Variants in NCBP3 observed in about 807,000 individuals in gnomAD.
NCBP3 encodes nuclear cap-binding protein subunit 3.
NCBP3 carries 20 observed loss-of-function variants against 75.7 expected under a neutral mutation model. The ratio of observed to expected loss-of-function variants is 0.26; its 90% CI spans 0.19 to 0.38. The LOEUF is 0.38. Among genes scored for constraint, NCBP3 ranks in the 10% least tolerant of loss-of-function variants. The pLI is 1.00. For synonymous variants in NCBP3, 293 were observed against 290.5 expected, an observed-to-expected ratio of 1.01 and a Z score of -0.09; for missense variants, 678 against 796.9, an observed-to-expected ratio of 0.85 and a Z score of 1.80.
rs1463760516 is a variant in NCBP3, at chr17:3,803,639, G to C, written c.*9405C>G. On this transcript the variant is annotated 3_prime_UTR_variant, in exon 13 of 13. Coordinates refer to ENST00000389005, the MANE Select transcript of NCBP3 (RefSeq NM_001114118.3). ...TGAGGGAGAAGAGGAGGGAACGAAT[G>C]AAAGAGAAAATGTGGCAAAATGTTC... 1 of 152,220 alleles carries C rather than the reference G, an allele frequency of 6.6e-6. No individual in the cohort carries two copies. The highest frequency in any genetic ancestry group is 1.5e-5 in the Non-Finnish European group (1 of 68,046). The allele number at this position is 152,220 out of a possible 1,614,324, so 9.4% of individuals were successfully genotyped here.
intron 2 of NCBP3, among the ~76,000 whole-genome samples, chr17:3,842,776 G>A (rs2054088556): frequency 1.3e-5 from 2 of 152,210 alleles, no homozygotes; most frequent in Non-Finnish European, 2.9e-5. Context: ...CTCTTGAGTA[G>A]TTGGGACTAC....
chr17:3,820,213 G>A (rs1284887369), intron 9 of NCBP3, among the ~76,000 whole-genome samples: 1 of 152,186 alleles, frequency 6.6e-6, no homozygotes, highest in Non-Finnish European at 1.5e-5. Flanking sequence ...GCCTCCCAAA[G>A]TGCTGGGATT....
At position 3,832,567 on chromosome 17, in the gene NCBP3, G is replaced by C. The variant is rs140035024; in HGVS notation, c.356-3199C>G. On this transcript the variant is annotated intron_variant, in intron 3 of 12. Transcript: ENST00000389005. Reference sequence around the variant, plus strand: ...AATCACTTGAACCCGGGAGGCGGAGGTTGCAGTGAGCCGAGATCGCACGAC... The same window carrying C: ...AATCACTTGAACCCGGGAGGCGGAGCTTGCAGTGAGCCGAGATCGCACGAC... 5.5e-3 allele frequency among the ~76,000 whole-genome samples: 810 copies of C among 146,148 alleles called. 27 individuals are homozygous for C. Among genetic ancestry groups the C allele is most frequent in the African/African-American group, 0.018 (740 of 41,014 alleles).
intron 2 of NCBP3, among the ~76,000 whole-genome samples, chr17:3,842,657 G>A (rs1007972774): frequency 1.3e-5 from 2 of 152,122 alleles, no homozygotes; most frequent in East Asian, 3.9e-4. Flanking sequence ...TGAAGACATC[G>A]TTGTATAACA....
intron 2 of NCBP3, 121 bp from the exon 3 acceptor site, chr17:3,840,326 C>A: frequency 1.4e-6 from 1 of 739,454 alleles, no homozygotes; most frequent in South Asian, 1.7e-5. Flanking sequence ...CAACACTACA[C>A]CTTGAATCAG....
intron 3 of NCBP3, among the ~76,000 whole-genome samples, chr17:3,832,622 G>C (rs1421980436): frequency 3.4e-5 from 5 of 148,760 alleles, no homozygotes; most frequent in Non-Finnish European, 5.9e-5. Flanking sequence ...CAGAGCGAGA[G>C]GCCATCTCAA....
At chr17:3,837,404 G>A (rs941239791) in intron 3 of NCBP3, among the ~76,000 whole-genome samples, 1 of 151,662 alleles carries the variant, frequency 6.6e-6, no homozygotes, top group Admixed American at 6.6e-5. Context: ...GGCTGAAGCA[G>A]GAGAATCGCT....
intron 3 of NCBP3, among the ~76,000 whole-genome samples, chr17:3,832,404 C>G (rs8068160): frequency 8.5e-6 from 1 of 117,462 alleles, no homozygotes; most frequent in African/African-American, 2.6e-5. Flanking sequence ...GAGGCCGGGG[C>G]GGGCAGATCA....
At chr17:3,826,595 C>T (rs1349055295) in intron 4 of NCBP3, among the ~76,000 whole-genome samples, 1 of 151,788 alleles carries the variant, frequency 6.6e-6, no homozygotes. Flanking sequence ...CACACCACTG[C>T]ACTCCAGCCT....
At chr17:3,845,780 A>AG (rs1034951041) in intron 1 of NCBP3, among the ~76,000 whole-genome samples, 15 of 152,026 alleles carry the variant, frequency 9.9e-5, no homozygotes, top group Non-Finnish European at 1.9e-4. Context: ...GGGGCAGCGG[A>AG]GGGGGGTCCT....
intron 1 of NCBP3, among the ~76,000 whole-genome samples, chr17:3,843,649 C>T (rs1370782107): frequency 6.6e-6 from 1 of 152,308 alleles, no homozygotes; most frequent in African/African-American, 2.4e-5. Context: ...TGGGTTCAAG[C>T]GATTCTCCTG....
At chr17:3,817,021 C>T (rs1408685932) in intron 10 of NCBP3, among the ~76,000 whole-genome samples, 3 of 150,832 alleles carry the variant, frequency 2.0e-5, no homozygotes, top group South Asian at 2.1e-4. Flanking sequence ...GGCGACAGAG[C>T]GAGACTCCGT....
intron 4 of NCBP3, among the ~76,000 whole-genome samples, chr17:3,826,841 G>A (rs540728282): frequency 3.3e-5 from 5 of 151,854 alleles, no homozygotes; most frequent in African/African-American, 1.2e-4. Context: ...GTGAAACCCC[G>A]TCTCTACTAA....
rs2053879518 is a variant in NCBP3 at position 3,831,550 on chromosome 17, C to T, written c.356-2182G>A. 4.1e-5 allele frequency among the ~76,000 whole-genome samples: 3 copies of T among 72,816 alleles called. 1 individual carries two copies. The highest frequency in any genetic ancestry group is 1.3e-4 in the Non-Finnish European group (3 of 22,886). The allele number at this position is 72,816 out of a possible 152,430, so 47.8% of individuals were successfully genotyped here. Reference sequence around the variant, plus strand: ...ATCGCGCCACTGCACTCCAGCCTAGCGACGGAGCAAGACTCTGTCTCAAAA... The same window carrying T: ...ATCGCGCCACTGCACTCCAGCCTAGTGACGGAGCAAGACTCTGTCTCAAAA... On this transcript the variant is annotated intron_variant, in intron 3 of 12. Transcript: ENST00000389005.
chr17:3,839,169 A>G (rs539411632), intron 3 of NCBP3, among the ~76,000 whole-genome samples: 141 of 152,314 alleles, frequency 9.3e-4, no homozygotes, highest in Non-Finnish European at 1.6e-3. Context: ...ACTATATACA[A>G]TAATTCGGGG....
intron 3 of NCBP3, among the ~76,000 whole-genome samples, chr17:3,829,728 T>C (rs774676309): frequency 6.6e-6 from 1 of 152,182 alleles, no homozygotes; most frequent in African/African-American, 2.4e-5. Flanking sequence ...TTTAAATGTA[T>C]GTTAAAGAGA....
intron 2 of NCBP3, among the ~76,000 whole-genome samples, chr17:3,842,130 T>C (rs1433753381): frequency 6.6e-6 from 1 of 151,954 alleles, no homozygotes; most frequent in South Asian, 2.1e-4. Context: ...AATAGTCTTA[T>C]TAAGGGCCTA....
intron 4 of NCBP3, among the ~76,000 whole-genome samples, chr17:3,827,409 C>A (rs1274371700): frequency 2.6e-5 from 4 of 152,206 alleles, no homozygotes; most frequent in Admixed American, 6.5e-5. Context: ...CTTCATCATT[C>A]CCATTGGAAA....
chr17:3,832,237 AT>A lies in NCBP3; in HGVS notation c.356-2870del, dbSNP rs2143690799. Among the ~76,000 whole-genome samples, 2 of 117,978 alleles carry A rather than the reference AT, an allele frequency of 1.7e-5. 1 individual carries two copies. Among genetic ancestry groups the A allele is most frequent in the East Asian group, 6.6e-4 (2 of 3,020 alleles). The allele number at this position is 117,978 out of a possible 152,430, so 77.4% of individuals were successfully genotyped here. On this transcript the variant is annotated intron_variant, in intron 3 of 12. Coordinates refer to ENST00000389005, the MANE Select transcript of NCBP3 (RefSeq NM_001114118.3). ...ATACCCCATTCTCCATGATGCGCTT[AT>A]TTCATGTCACATGCCTGTATCAAAA...
Sources: gnomAD v4.1 joint callset for allele counts (sites outside exome capture counted in the v4.1 genomes callset) on GRCh38, gnomAD v4.1.1 for gene constraint, MANE v1.5 for transcripts, NCBI Gene and HGNC (gene_info 2026-07-23, HGNC 2026-07-21) for gene names.